MGAT4C: variants seen among roughly 807,000 people sequenced by gnomAD.
The protein encoded by MGAT4C is alpha-1,3-mannosyl-glycoprotein 4-beta-N-acetylglucosaminyltransferase C.
A neutral mutation model predicts 40.1 loss-of-function variants in MGAT4C; 19 were observed. The ratio of observed to expected loss-of-function variants is 0.47; its 90% CI spans 0.33 to 0.70. The LOEUF (loss-of-function observed/expected upper bound fraction) is 0.70, where lower values mean the gene tolerates loss of function less well. Ranked by LOEUF, MGAT4C falls within the 30% of genes least tolerant of loss-of-function variation. The pLI, the probability that MGAT4C is intolerant of heterozygous loss-of-function variation, is 0.02. For missense variants in MGAT4C, 491 were observed against 563.2 expected, an observed-to-expected ratio of 0.87 and a Z score of 1.30; for synonymous variants, 181 against 187.1, an observed-to-expected ratio of 0.97 and a Z score of 0.27.
intron 2 of MGAT4C, among the ~76,000 whole-genome samples, chr12:86,452,897 TG>T (rs141397539): frequency 0.014 from 2,082 of 152,226 alleles, 39 homozygotes; most frequent in African/African-American, 0.048. Flanking sequence ...TGGAAGAGAA[TG>T]GAGGTAAATG....
At chr12:86,737,757 T>TAAA (rs147721324) in intron 1 of MGAT4C, among the ~76,000 whole-genome samples, 39 of 147,560 alleles carry the variant, frequency 2.6e-4, no homozygotes, top group African/African-American at 9.4e-4. Flanking sequence ...GTTTCCCAGT[T>TAAA]AAAAAAAAAA....
intron 2 of MGAT4C, among the ~76,000 whole-genome samples, chr12:86,556,675 T>G (rs1427429267): frequency 6.6e-6 from 1 of 152,214 alleles, no homozygotes; most frequent in African/African-American, 2.4e-5. Flanking sequence ...ATGCATTAAG[T>G]ATAGGGTTTT....
intron 2 of MGAT4C, among the ~76,000 whole-genome samples, chr12:86,702,885 A>T (rs1246089594): frequency 2.0e-5 from 3 of 152,244 alleles, no homozygotes; most frequent in African/African-American, 7.2e-5. Context: ...CCACTGATAG[A>T]TCAAGGCAAA....
intron 2 of MGAT4C, among the ~76,000 whole-genome samples, chr12:86,514,897 G>A (rs761418853): frequency 3.3e-4 from 50 of 152,166 alleles, no homozygotes; most frequent in Non-Finnish European, 6.5e-4. Flanking sequence ...ATGACATTTG[G>A]TGCTGAAAGA....
chr12:86,826,928 G>A (rs1201027958), intron 1 of MGAT4C, among the ~76,000 whole-genome samples: 2 of 151,378 alleles, frequency 1.3e-5, no homozygotes, highest in Admixed American at 1.3e-4. Context: ...TGATTGTAAA[G>A]CCAATTAAAG....
intron 2 of MGAT4C, among the ~76,000 whole-genome samples, chr12:86,698,017 G>A (rs999050688): frequency 3.9e-5 from 6 of 151,942 alleles, no homozygotes; most frequent in African/African-American, 1.4e-4. Flanking sequence ...CCATATTTGT[G>A]TGAATTATAG....
chr12:86,712,565 T>A (rs1408292706), intron 2 of MGAT4C, among the ~76,000 whole-genome samples: 1 of 152,150 alleles, frequency 6.6e-6, no homozygotes, highest in Non-Finnish European at 1.5e-5. Flanking sequence ...TTATGCCATC[T>A]GATGTCACTG....
chr12:86,119,433 C>CT (rs1304429987), intron 1 of MGAT4C, among the ~76,000 whole-genome samples: 1 of 151,620 alleles, frequency 6.6e-6, no homozygotes, highest in Non-Finnish European at 1.5e-5. Context: ...CCTTTTTTTT[C>CT]TTTTTTTCTT....
rs1482118126 is a variant in MGAT4C, at chr12:85,972,780, A to G, written c.*6509T>C. ...ATAATTATTCTAACTTTTTGGAACT[A>G]TACTTTCACTCATTGATGAAGTAAG... On this transcript the variant is annotated 3_prime_UTR_variant, in exon 5 of 5. Coordinates refer to ENST00000611864, the MANE Select transcript of MGAT4C (RefSeq NM_001351288.2). The G allele has an allele frequency of 6.6e-6, 1 of 151,192 alleles. No homozygotes were observed. The highest frequency in any genetic ancestry group is 1.5e-5 in the Non-Finnish European group (1 of 67,204). The allele number at this position is 151,192 out of a possible 1,614,324, so 9.4% of individuals were successfully genotyped here. A position where few individuals can be genotyped will look rare whatever the true frequency, so the allele number is the denominator to read the frequency against.
intron 1 of MGAT4C, among the ~76,000 whole-genome samples, chr12:86,191,122 CACACA>C (rs1566117958): frequency 7.0e-6 from 1 of 142,088 alleles, no homozygotes; most frequent in East Asian, 2.0e-4. Context: ...CACACACACA[CACACA>C]CACACACCCC....
At chr12:86,667,649 T>C (rs763534096) in intron 2 of MGAT4C, among the ~76,000 whole-genome samples, 1 of 152,234 alleles carries the variant, frequency 6.6e-6, no homozygotes, top group Non-Finnish European at 1.5e-5. Context: ...ACAGACCATA[T>C]GTAAACAAAT....
intron 1 of MGAT4C, among the ~76,000 whole-genome samples, chr12:86,106,268 CGTTTA>C (rs199922200): frequency 2.4e-4 from 37 of 151,714 alleles, no homozygotes; most frequent in South Asian, 1.9e-3. Context: ...AAGCAGCACT[CGTTTA>C]GTTTAGTTTA....
intron 2 of MGAT4C, among the ~76,000 whole-genome samples, chr12:86,447,048 AAC>A (rs1281483233): frequency 2.0e-5 from 3 of 152,122 alleles, no homozygotes; most frequent in Non-Finnish European, 4.4e-5. Context: ...GGGATTGTAG[AAC>A]AGTGACCCTT....
intron 1 of MGAT4C, among the ~76,000 whole-genome samples, chr12:86,789,462 A>G (rs2136191405): frequency 6.6e-6 from 1 of 152,262 alleles, no homozygotes; most frequent in South Asian, 2.1e-4. Flanking sequence ...AACAATATTT[A>G]CAGTTTCAAG....
chr12:86,772,557 A>G (rs1330467681), intron 1 of MGAT4C, among the ~76,000 whole-genome samples: 1 of 152,122 alleles, frequency 6.6e-6, no homozygotes, highest in Non-Finnish European at 1.5e-5. Context: ...TTTCAAAGGA[A>G]CAGGCCATTG....
chr12:86,691,683 T>C (rs1444915261), intron 2 of MGAT4C, among the ~76,000 whole-genome samples: 2 of 152,176 alleles, frequency 1.3e-5, no homozygotes, highest in African/African-American at 4.8e-5. Flanking sequence ...GATTTTTCAA[T>C]TATTTCCACT....
At chr12:86,098,614 A>C (rs1874370151) in intron 1 of MGAT4C, among the ~76,000 whole-genome samples, 1 of 151,630 alleles carries the variant, frequency 6.6e-6, no homozygotes, top group Non-Finnish European at 1.5e-5. Flanking sequence ...TGACATATTA[A>C]GTAGTCAGTC....
intron 2 of MGAT4C, among the ~76,000 whole-genome samples, chr12:86,703,681 A>G (rs2136619096): frequency 6.6e-6 from 1 of 152,336 alleles, no homozygotes; most frequent in African/African-American, 2.4e-5. Context: ...AAATTAAAAA[A>G]TGTGTGGTTA....
chr12:86,276,134 A>G (rs1248058042), intron 4 of MGAT4C, among the ~76,000 whole-genome samples: 1 of 151,520 alleles, frequency 6.6e-6, no homozygotes, highest in African/African-American at 2.4e-5. Context: ...AAAAGAAAAC[A>G]AAATAAATTT....
Sources: allele counts gnomAD v4.1 joint callset (sites outside exome capture counted in the v4.1 genomes callset), GRCh38; gene constraint gnomAD v4.1.1; transcripts MANE v1.5; gene names NCBI Gene and HGNC (gene_info 2026-07-23, HGNC 2026-07-21).